The following FCHSD2 variants were observed in gnomAD, a reference collection of about 807,000 sequenced individuals.
FCHSD2 encodes the protein FCH and double SH3 domains 2.
A neutral mutation model predicts 108.1 loss-of-function variants in FCHSD2; 38 were observed. The observed-to-expected ratio is 0.35, with a 90% CI of 0.27 to 0.46. The LOEUF is 0.46. Among genes scored for constraint, FCHSD2 ranks in the 20% least tolerant of loss-of-function variants. The pLI is 1.00. For synonymous variants in FCHSD2, 279 were observed against 314.7 expected, an observed-to-expected ratio of 0.89 and a Z score of 1.20; for missense variants, 751 against 897.8, an observed-to-expected ratio of 0.84 and a Z score of 2.09.
chr11:72,915,158 T>C lies in FCHSD2; in HGVS notation c.828+6670A>G, dbSNP rs183442868. ...TCATATGAAAAAAACTCAACATCAC[T>C]GATCATTACAGAAATGCAAATCAAA... On this transcript the variant is annotated intron_variant, in intron 9 of 19. Transcript: ENST00000409418. 4.3e-4 allele frequency among the ~76,000 whole-genome samples: 66 copies of C among 151,878 alleles called. No individual in the cohort carries two copies. The East Asian group carries it at 0.012, about 28-fold the overall frequency.
rs568347660 is a variant in FCHSD2, at chr11:72,903,514, C to T, written c.829-876G>A. Among the ~76,000 whole-genome samples, 23 of 152,232 alleles carry T rather than the reference C, an allele frequency of 1.5e-4. No individual in the cohort carries two copies. In the East Asian group the frequency reaches 1.9e-3, roughly 13 times the overall value. ...GATTACAGGCGTGAGCTACCGCGCC[C>T]GGCCTGGAATTTCTATAAAAGGAGA... is the stretch of plus-strand genomic sequence containing the variant. On this transcript the variant is annotated intron_variant, in intron 9 of 19. Coordinates refer to ENST00000409418, the MANE Select transcript of FCHSD2 (RefSeq NM_014824.3).
At chr11:73,034,207 A>G (rs1858433736) in intron 3 of FCHSD2, among the ~76,000 whole-genome samples, 1 of 152,248 alleles carries the variant, frequency 6.6e-6, no homozygotes, top group East Asian at 1.9e-4. Context: ...TAAGCCCTAC[A>G]TGCATTAGGT....
rs1037875683 is a variant in FCHSD2 at position 72,939,597 on chromosome 11, CTCTT to C, written c.706-17651_706-17648del. ...GGAAATCTATGAAGACGGTTGATGG[CTCTT>C]TCTTTTCCTTTTTTTTTTTTTTTTT... On this transcript the variant is annotated intron_variant, in intron 8 of 19. Transcript: ENST00000409418. Among the ~76,000 whole-genome samples, 11 of 140,378 alleles carry C rather than the reference CTCTT, an allele frequency of 7.8e-5. No homozygotes were observed. The Middle Eastern group carries it at 0.011, about 145-fold the overall frequency. 92.1% of individuals were successfully genotyped at this position (140,378 alleles called of 152,430 possible). A position where few individuals can be genotyped will look rare whatever the true frequency, so the allele number is the denominator to read the frequency against.
chr11:72,987,700 T>TG (rs1857336501), intron 6 of FCHSD2, among the ~76,000 whole-genome samples: 1 of 152,218 alleles, frequency 6.6e-6, no homozygotes. Context: ...GCCCCTCCAC[T>TG]GTGCTCATGT....
chr11:73,126,495 C>G (rs961069953), intron 2 of FCHSD2, among the ~76,000 whole-genome samples: 1 of 151,866 alleles, frequency 6.6e-6, no homozygotes, highest in Non-Finnish European at 1.5e-5. Flanking sequence ...ATTCTTAATA[C>G]TTGTACATAT....
intron 2 of FCHSD2, among the ~76,000 whole-genome samples, chr11:73,130,296 G>A (rs1475661819): frequency 6.6e-6 from 1 of 152,148 alleles, no homozygotes; most frequent in Non-Finnish European, 1.5e-5. Context: ...GCCCAGGCTG[G>A]AGTGTAGTGG....
intron 2 of FCHSD2, among the ~76,000 whole-genome samples, chr11:73,096,987 A>AATTTTTTTTTTTTTTTTTTTT (rs1860095700): frequency 1.1e-4 from 3 of 27,020 alleles, no homozygotes; most frequent in African/African-American, 6.0e-4. Context: ...TCATTGATGG[A>AATTTTTTTTTTTTTTTTTTTT]TTTTTTTTTT....
rs78849193 is a variant in FCHSD2 at position 72,855,989 on chromosome 11, C to T, written c.1309-6100G>A. ...TCAAATATTTGTTTCTTGCCCGCTA[C>T]ACCCAAGCACTTATTTGGCTGCTTT... On this transcript the variant is annotated intron_variant, in intron 13 of 19. Transcript: ENST00000409418. Among the ~76,000 whole-genome samples the T allele has an allele frequency of 6.3e-3, 962 of 152,318 alleles. 19 individuals carry two copies. In the East Asian group the frequency reaches 0.079, roughly 13 times the overall value.
chr11:73,082,393 A>C (rs972490515), intron 3 of FCHSD2, among the ~76,000 whole-genome samples: 1 of 150,852 alleles, frequency 6.6e-6, no homozygotes, highest in South Asian at 2.1e-4. Flanking sequence ...AGAAATATTA[A>C]AACTGATGCT....
At chr11:73,135,303 A>G (rs1861097417) in intron 2 of FCHSD2, among the ~76,000 whole-genome samples, 1 of 152,246 alleles carries the variant, frequency 6.6e-6, no homozygotes, top group Non-Finnish European at 1.5e-5. Flanking sequence ...AGTCTTCAAC[A>G]ATATAATTCA....
At chr11:73,129,359 C>T (rs371765543) in intron 2 of FCHSD2, among the ~76,000 whole-genome samples, 6 of 152,274 alleles carry the variant, frequency 3.9e-5, no homozygotes, top group African/African-American at 1.2e-4. Flanking sequence ...AGGTGAGTGG[C>T]GGGCAAGCAG....
At chr11:73,068,051 T>G (rs1490596955) in intron 3 of FCHSD2, among the ~76,000 whole-genome samples, 1 of 151,956 alleles carries the variant, frequency 6.6e-6, no homozygotes, top group Non-Finnish European at 1.5e-5. Context: ...CTCGTGAGAC[T>G]TATTCACTAC....
intron 2 of FCHSD2, among the ~76,000 whole-genome samples, chr11:73,131,545 A>G (rs1480991925): frequency 6.6e-6 from 1 of 151,596 alleles, no homozygotes; most frequent in Non-Finnish European, 1.5e-5. Flanking sequence ...AATAAAAATT[A>G]CTACAAAAAT....
chr11:72,838,170 T>C lies in FCHSD2; in HGVS notation c.*621A>G, dbSNP rs1272946962. 1.3e-5 allele frequency: 2 copies of C among 152,616 alleles called. No homozygotes were observed. Among genetic ancestry groups the C allele is most frequent in the East Asian group, 3.9e-4 (2 of 5,188 alleles). The allele number at this position is 152,616 out of a possible 1,614,324, so 9.5% of individuals were successfully genotyped here. ...GCACAGATATTAATACGAAGGACAC[T>C]GTTATTTTAAGTCTGTTAGTTGTGG... On this transcript the variant is annotated 3_prime_UTR_variant, in exon 20 of 20. Coordinates refer to ENST00000409418, the MANE Select transcript of FCHSD2 (RefSeq NM_014824.3).
At chr11:72,924,141 A>C (rs768135881) in intron 8 of FCHSD2, among the ~76,000 whole-genome samples, 1 of 152,086 alleles carries the variant, frequency 6.6e-6, no homozygotes, top group African/African-American at 2.4e-5. Context: ...AGGTCTTGTC[A>C]TGTTTCCCAG....
chr11:73,001,192 TA>T (rs1243510680), intron 4 of FCHSD2, 58 bp from the exon 5 acceptor site: 1 of 1,521,170 alleles, frequency 6.6e-7, no homozygotes, highest in East Asian at 2.3e-5. Flanking sequence ...AAAAGTTGGC[TA>T]ACCTTTTGCT....
At chr11:72,998,925 T>C (rs1006681662) in intron 5 of FCHSD2, among the ~76,000 whole-genome samples, 4 of 152,114 alleles carry the variant, frequency 2.6e-5, no homozygotes, top group African/African-American at 9.7e-5. Flanking sequence ...TTTGGGAAAA[T>C]GAAAAATCTG....
chr11:73,121,498 T>C (rs1186206106), intron 2 of FCHSD2, among the ~76,000 whole-genome samples: 3 of 152,172 alleles, frequency 2.0e-5, no homozygotes, highest in African/African-American at 7.2e-5. Flanking sequence ...AATCCTTCTG[T>C]GCTTAAGTTC....
rs2135265782 is a variant in FCHSD2, at chr11:72,898,080, A to G, written c.924+4463T>C. Among the ~76,000 whole-genome samples, 2 of 152,336 alleles carry G rather than the reference A, an allele frequency of 1.3e-5. 1 individual carries two copies. Among genetic ancestry groups the G allele is most frequent in the South Asian group, 4.1e-4 (2 of 4,828 alleles). ...ATAAGAACAAAGCTTGCCATTGGTC[A>G]CTGTCACTTGTAGTCATCTTTTGGT... is the stretch of plus-strand genomic sequence containing the variant. On this transcript the variant is annotated intron_variant, in intron 10 of 19. Coordinates refer to ENST00000409418, the MANE Select transcript of FCHSD2 (RefSeq NM_014824.3).
Sources: allele counts gnomAD v4.1 joint callset (sites outside exome capture counted in the v4.1 genomes callset), GRCh38; gene constraint gnomAD v4.1.1; transcripts MANE v1.5; gene names NCBI Gene and HGNC (gene_info 2026-07-23, HGNC 2026-07-21).